TNS1: variants seen among roughly 807,000 people sequenced by gnomAD.
The protein encoded by TNS1 is tensin 1.
Under a neutral mutation model 168.6 loss-of-function variants are expected in TNS1, and 62 were observed. The ratio of observed to expected loss-of-function variants is 0.37; its 90% CI spans 0.30 to 0.45. The LOEUF is 0.45. Among genes scored for constraint, TNS1 ranks in the 20% least tolerant of loss-of-function variants. The pLI, the probability that TNS1 is intolerant of heterozygous loss-of-function variation, is 1.00. For missense variants in TNS1, 2,240 were observed against 2,339.4 expected (o/e 0.96, Z 0.88); for synonymous variants, 934 against 933.2 (o/e 1.00, Z -0.02).
upstream of TNS1, among the ~76,000 whole-genome samples, chr2:218,014,547 C>T (rs1368284383): frequency 1.3e-5 from 2 of 152,208 alleles, no homozygotes; most frequent in African/African-American, 4.8e-5. Flanking sequence ...GAGCTGGACT[C>T]TGCAGGAGTC....
Position 217,847,892 on chromosome 2 carries a change from A to G in TNS1, c.2625T>C (p.Ser875=), listed in dbSNP as rs1254681980. ...GASPLSSQPL[S]GSSRQSHPLT... is the part of the protein sequence containing the mutation. ...GTGGATGGGACTGACGGGAGGATCC[A>G]GAGAGGGGCTGGGAGGAGAGTGGAG... is the stretch of plus-strand genomic sequence containing the variant. Residue 875 remains serine, a synonymous_variant, in exon 19 of 33, where the codon TCT becomes TCC. Transcript: ENST00000682258. 1 of 1,552,216 alleles carries G rather than the reference A, an allele frequency of 6.4e-7. No individual in the cohort carries two copies. Among genetic ancestry groups the G allele is most frequent in the Admixed American group, 1.8e-5 (1 of 56,100 alleles).
chr2:217,850,272 C>A (rs541742167), intron 18 of TNS1: 1 of 985,198 alleles, frequency 1.0e-6, no homozygotes. Context: ...AGAGGGGACA[C>A]GCTTTTCCTA....
intron 16 of TNS1, among the ~76,000 whole-genome samples, chr2:217,883,642 C>G (rs1326235795): frequency 6.6e-6 from 1 of 152,206 alleles, no homozygotes; most frequent in East Asian, 1.9e-4. Context: ...AATCTGTGAC[C>G]CTTCCTTCTC....
At chr2:217,937,211 G>A (rs1025429056) in intron 3 of TNS1, 17 of 362,596 alleles carry the variant, frequency 4.7e-5, no homozygotes, top group African/African-American at 1.1e-4. Flanking sequence ...CCACTAGATC[G>A]TGTCTCCCGG....
chr2:217,810,554 C>T (rs957248948), intron 28 of TNS1, among the ~76,000 whole-genome samples: 11 of 152,170 alleles, frequency 7.2e-5, no homozygotes, highest in African/African-American at 2.4e-4. Flanking sequence ...AACCCTCACC[C>T]CAGCACTTAC....
intron 3 of TNS1, among the ~76,000 whole-genome samples, chr2:217,940,626 C>T (rs549250373): frequency 1.3e-5 from 2 of 152,292 alleles, no homozygotes; most frequent in Admixed American, 6.5e-5. Context: ...AAAGGACCTC[C>T]CTCTCAGATG....
At chr2:218,023,525 A>G (rs1958827561) in intron 1 of TNS1, among the ~76,000 whole-genome samples, 1 of 152,146 alleles carries the variant, frequency 6.6e-6, no homozygotes, top group Admixed American at 6.5e-5. Flanking sequence ...TCTCCTGGCC[A>G]AGTCAGCAAG....
intron 1 of TNS1, among the ~76,000 whole-genome samples, chr2:218,030,909 G>C (rs1027183799): frequency 6.6e-6 from 1 of 152,138 alleles, no homozygotes; most frequent in Non-Finnish European, 1.5e-5. Flanking sequence ...GCATGTATGC[G>C]TGAGCATGGG....
intron 22 of TNS1, chr2:217,829,951 G>C (rs947243724): frequency 1.1e-4 from 178 of 1,590,634 alleles, no homozygotes; most frequent in Non-Finnish European, 1.5e-4. Context: ...GTGAAGATGA[G>C]GAAGAGCAAA....
intron 2 of TNS1, among the ~76,000 whole-genome samples, chr2:217,989,614 G>A (rs997672632): frequency 6.6e-6 from 1 of 152,080 alleles, no homozygotes; most frequent in Admixed American, 6.5e-5. Flanking sequence ...AGGCAATAAT[G>A]ACAGCCAAGC....
chr2:217,998,832 T>A (rs1306039789), intron 1 of TNS1, among the ~76,000 whole-genome samples: 2 of 152,112 alleles, frequency 1.3e-5, no homozygotes, highest in African/African-American at 4.8e-5. Context: ...AAAATTCACC[T>A]CCCGAGGAGT....
At chr2:217,932,049 A>ATG (rs1956351898) in intron 3 of TNS1, among the ~76,000 whole-genome samples, 1 of 152,178 alleles carries the variant, frequency 6.6e-6, no homozygotes, top group Admixed American at 6.5e-5. Context: ...AAGCTGATCT[A>ATG]TGGCTTTATG....
chr2:217,889,599 T>A (rs1165121979), intron 12 of TNS1, among the ~76,000 whole-genome samples: 2 of 152,172 alleles, frequency 1.3e-5, no homozygotes, highest in African/African-American at 4.8e-5. Flanking sequence ...AGAAGGCCCT[T>A]CCATTTGAAT....
upstream of TNS1, chr2:218,003,086 C>T (rs1373560761): frequency 2.6e-6 from 1 of 385,326 alleles, no homozygotes; most frequent in African/African-American, 2.1e-5. Flanking sequence ...CCTCTCTCCT[C>T]CCTCCTCCCA....
intron 16 of TNS1, among the ~76,000 whole-genome samples, chr2:217,882,698 T>G (rs1950797489): frequency 6.6e-6 from 1 of 152,184 alleles, no homozygotes; most frequent in Non-Finnish European, 1.5e-5. Flanking sequence ...CTCTAAATAA[T>G]AGCCACTATT....
chr2:217,967,450 A>G (rs970494707), intron 3 of TNS1, among the ~76,000 whole-genome samples: 2 of 152,184 alleles, frequency 1.3e-5, no homozygotes, highest in African/African-American at 4.8e-5. Flanking sequence ...TAAGATTCAA[A>G]GAAAGAAGAC....
chr2:217,947,393 T>G (rs3791895), intron 3 of TNS1, among the ~76,000 whole-genome samples: 1 of 150,894 alleles, frequency 6.6e-6, no homozygotes, highest in East Asian at 2.0e-4. Context: ...GTGCCTGGCA[T>G]CGAGCAGGCG....
chr2:217,912,439 T>TG (rs1954529968), intron 4 of TNS1, among the ~76,000 whole-genome samples: 1 of 127,642 alleles, frequency 7.8e-6, no homozygotes, highest in Non-Finnish European at 1.7e-5. Flanking sequence ...GCCTGGAATC[T>TG]GGGGGGCTTG....
rs1937523096 is a variant in TNS1, at chr2:217,801,871, C to A, written c.*2588G>T. The A allele has an allele frequency of 6.6e-6, 1 of 152,234 alleles. No individual in the cohort carries two copies. The highest frequency in any genetic ancestry group is 2.1e-4 in the South Asian group (1 of 4,836). The allele number at this position is 152,234 out of a possible 1,614,324, so 9.4% of individuals were successfully genotyped here. A position where few individuals can be genotyped will look rare whatever the true frequency, so the allele number is the denominator to read the frequency against. ...CCGCAGGGATGCTGGGAGGGAGTTACCAGCTTTCTGGCATGAATGGGTCCT... is the reference window on the plus strand; with the variant it reads ...CCGCAGGGATGCTGGGAGGGAGTTAACAGCTTTCTGGCATGAATGGGTCCT... On this transcript the variant is annotated 3_prime_UTR_variant, in exon 33 of 33. Coordinates refer to ENST00000682258, the MANE Select transcript of TNS1 (RefSeq NM_001387777.1).
Sources: gnomAD v4.1 joint callset for allele counts (sites outside exome capture counted in the v4.1 genomes callset) on GRCh38, gnomAD v4.1.1 for gene constraint, MANE v1.5 for transcripts, NCBI Gene and HGNC (gene_info 2026-07-23, HGNC 2026-07-21) for gene names.